The following RANBP17 variants were observed in gnomAD, a reference collection of about 807,000 sequenced individuals.
RANBP17 encodes RAN binding protein 17.
A neutral mutation model predicts 141.2 loss-of-function variants in RANBP17; 158 were observed. The observed-to-expected ratio is 1.12, with a 90% CI of 0.98 to 1.28. The LOEUF (loss-of-function observed/expected upper bound fraction) is 1.28, where lower values mean the gene tolerates loss of function less well. Ranked by LOEUF, RANBP17 falls within the 50% of genes most tolerant of loss-of-function variation. The pLI, the probability that RANBP17 is intolerant of heterozygous loss-of-function variation, is 0.00. For synonymous variants in RANBP17, 430 were observed against 450.0 expected (o/e 0.96, Z 0.56); for missense variants, 1,438 against 1,290.7 (o/e 1.11, Z -1.75).
At chr5:171,219,972 A>G (rs1054178081) in intron 21 of RANBP17, among the ~76,000 whole-genome samples, 58 of 152,120 alleles carry the variant, frequency 3.8e-4, no homozygotes, top group African/African-American at 1.4e-3. Flanking sequence ...GAGAAGAGGC[A>G]TTCTGGTTTT....
chr5:171,192,558 C>T (rs1761720448), intron 18 of RANBP17, among the ~76,000 whole-genome samples: 1 of 152,126 alleles, frequency 6.6e-6, no homozygotes. Flanking sequence ...GTTTTCTCTT[C>T]TGTTAAATGG....
intron 14 of RANBP17, among the ~76,000 whole-genome samples, chr5:171,033,483 T>G (rs995375525): frequency 9.2e-5 from 14 of 152,284 alleles, no homozygotes; most frequent in Admixed American, 6.5e-4. Context: ...TGCTGTCCTC[T>G]TTGGAAGAAT....
In RANBP17 at chr5:171,299,070, G is replaced by A. The variant is rs2128048925; in HGVS notation, c.*212G>A. The A allele has an allele frequency of 2.2e-6, 1 of 454,622 alleles. No individual in the cohort carries two copies. Among genetic ancestry groups the A allele is most frequent in the Non-Finnish European group, 3.9e-6 (1 of 253,550 alleles). 28.2% of individuals were successfully genotyped at this position (454,622 alleles called of 1,614,324 possible). A position where few individuals can be genotyped will look rare whatever the true frequency, so the allele number is the denominator to read the frequency against. On this transcript the variant is annotated 3_prime_UTR_variant, in exon 28 of 28. Coordinates refer to ENST00000523189, the MANE Select transcript of RANBP17 (RefSeq NM_022897.5). ...TCAGTCTTTTCTCTGAAAAGCAAAGGATGTGTTTTCAGTCTTTCTATCAAA... is the reference window on the plus strand; with the variant it reads ...TCAGTCTTTTCTCTGAAAAGCAAAGAATGTGTTTTCAGTCTTTCTATCAAA...
chr5:170,877,311 G>A (rs1406257141), intron 1 of RANBP17, among the ~76,000 whole-genome samples: 6 of 152,022 alleles, frequency 3.9e-5, no homozygotes, highest in Non-Finnish European at 8.8e-5. Context: ...TCTGTCACCC[G>A]CTGAAGTACA....
At chr5:171,056,106 CA>C (rs1351493608) in intron 14 of RANBP17, among the ~76,000 whole-genome samples, 1 of 151,994 alleles carries the variant, frequency 6.6e-6, no homozygotes, top group Non-Finnish European at 1.5e-5. Flanking sequence ...AAAACCAAAA[CA>C]AAGAATTGGT....
chr5:170,922,281 G>T (rs1357660801), intron 11 of RANBP17, among the ~76,000 whole-genome samples: 1 of 151,802 alleles, frequency 6.6e-6, no homozygotes, highest in Non-Finnish European at 1.5e-5. Flanking sequence ...AGGCTACACA[G>T]GGGTGAGGGA....
At chr5:171,172,611 G>A (rs1760176482) in intron 16 of RANBP17, among the ~76,000 whole-genome samples, 1 of 151,130 alleles carries the variant, frequency 6.6e-6, no homozygotes, top group Admixed American at 6.6e-5. Context: ...GTACTTCCTA[G>A]TATTGCAAAC....
chr5:171,198,195 C>T (rs1348119573), intron 18 of RANBP17, among the ~76,000 whole-genome samples: 1 of 152,224 alleles, frequency 6.6e-6, no homozygotes, highest in Non-Finnish European at 1.5e-5. Flanking sequence ...CACCAGTTAA[C>T]AGAGAAGAGT....
intron 12 of RANBP17, among the ~76,000 whole-genome samples, chr5:170,941,422 T>G (rs1774316228): frequency 6.6e-6 from 1 of 152,070 alleles, no homozygotes; most frequent in African/African-American, 2.4e-5. Flanking sequence ...AGCAAAGATT[T>G]AAAAGGTAAA....
chr5:170,944,593 C>T (rs1048641706), intron 12 of RANBP17, among the ~76,000 whole-genome samples: 20 of 152,188 alleles, frequency 1.3e-4, no homozygotes, highest in African/African-American at 4.3e-4. Flanking sequence ...TTATATTTCA[C>T]TGTTCATCTC....
At chr5:170,871,617 T>C (rs1767732653) in intron 1 of RANBP17, among the ~76,000 whole-genome samples, 1 of 152,220 alleles carries the variant, frequency 6.6e-6, no homozygotes, top group Non-Finnish European at 1.5e-5. Context: ...CTGAATGATA[T>C]TGTCTAGATT....
intron 14 of RANBP17, among the ~76,000 whole-genome samples, chr5:171,146,781 A>T (rs1051858062): frequency 6.6e-6 from 1 of 152,182 alleles, no homozygotes; most frequent in Non-Finnish European, 1.5e-5. Flanking sequence ...ATATATACAT[A>T]TATCCTTCAT....
chr5:171,017,595 G>T (rs1326606825), intron 14 of RANBP17, among the ~76,000 whole-genome samples: 2 of 152,034 alleles, frequency 1.3e-5, no homozygotes, highest in Non-Finnish European at 1.5e-5. Flanking sequence ...ACTTTTTGAT[G>T]GGGTTGTATG....
intron 24 of RANBP17, among the ~76,000 whole-genome samples, chr5:171,246,412 A>G (rs747517618): frequency 3.3e-5 from 5 of 152,218 alleles, no homozygotes; most frequent in Admixed American, 6.5e-5. Context: ...TCTGGGCAGT[A>G]AACTTGAGCA....
intron 25 of RANBP17, among the ~76,000 whole-genome samples, chr5:171,287,771 G>A (rs570002341): frequency 1.3e-5 from 2 of 152,152 alleles, no homozygotes; most frequent in East Asian, 3.9e-4. Context: ...CTGTCACGCA[G>A]ACTGGAGTAC....
chr5:170,892,312 CT>C, intron 3 of RANBP17, 74 bp from the exon 4 acceptor site: 1 of 806,254 alleles, frequency 1.2e-6, no homozygotes, highest in South Asian at 3.4e-5. Flanking sequence ...CCACCCCCAC[CT>C]CTCTTTCTTC....
chr5:171,257,501 AG>A (rs1170982576), intron 24 of RANBP17, among the ~76,000 whole-genome samples: 2 of 152,178 alleles, frequency 1.3e-5, no homozygotes, highest in Non-Finnish European at 2.9e-5. Context: ...AACTAAAACA[AG>A]ACAAGGATTC....
At chr5:170,994,218 C>CTAGTCTTGTTTCACCTG (rs1778680866) in intron 14 of RANBP17, among the ~76,000 whole-genome samples, 1 of 151,990 alleles carries the variant, frequency 6.6e-6, no homozygotes. Context: ...AAAGCTTTTC[C>CTAGTCTTGTTTCACCTG]TAGTCTTGTT....
chr5:170,944,958 T>C (rs1386002505), intron 12 of RANBP17, among the ~76,000 whole-genome samples: 9 of 152,188 alleles, frequency 5.9e-5, no homozygotes, highest in African/African-American at 2.2e-4. Flanking sequence ...AAATTATTGA[T>C]TTTTTCCTCT....
Sources: gnomAD v4.1 joint callset for allele counts (sites outside exome capture counted in the v4.1 genomes callset) on GRCh38, gnomAD v4.1.1 for gene constraint, MANE v1.5 for transcripts, NCBI Gene and HGNC (gene_info 2026-07-23, HGNC 2026-07-21) for gene names.